The following SHROOM2 variants were observed in gnomAD, a reference collection of about 807,000 sequenced individuals.
SHROOM2 encodes the protein shroom family member 2.
In SHROOM2, 33 loss-of-function variants were observed where a neutral mutation model predicts 75.9. The ratio of observed to expected loss-of-function variants is 0.43; its 90% CI spans 0.33 to 0.58. The LOEUF is 0.58. SHROOM2 is among the 20% of genes least tolerant of loss of function. The pLI is 0.04. For missense variants in SHROOM2, 1,434 were observed against 1,461.2 expected (o/e 0.98, Z 0.30); for synonymous variants, 655 against 663.6 (o/e 0.99, Z 0.20).
intron 1 of SHROOM2, chrX:9,818,714 G>T: frequency 2.3e-6 from 1 of 441,301 alleles, no homozygotes; most frequent in Non-Finnish European, 4.1e-6. Flanking sequence ...TTAACATCCA[G>T]TCCTTCTGCT....
At chrX:9,857,302 G>C (rs2084076643) in intron 1 of SHROOM2, among the ~76,000 whole-genome samples, 1 of 111,924 alleles carries the variant, frequency 8.9e-6, no homozygotes, top group Admixed American at 9.5e-5. Context: ...GAGCATGCCA[G>C]TTGGTGGTTA....
At chrX:9,890,584 C>T (rs2084284433) in intron 2 of SHROOM2, among the ~76,000 whole-genome samples, 1 of 113,052 alleles carries the variant, frequency 8.8e-6, no homozygotes, top group Non-Finnish European at 1.9e-5. Flanking sequence ...GCGCTGTGCG[C>T]ATTCCCTGAA....
rs1364122756 is a variant in SHROOM2, at chrX:9,802,038, A to T, written c.165+15328A>T. Among the ~76,000 whole-genome samples, 4 of 111,331 alleles carry T rather than the reference A, an allele frequency of 3.6e-5. No homozygotes were observed. In the Admixed American group the frequency reaches 3.8e-4, roughly 11 times the overall value. ...CTCTTTGAAATGTAGCTCCTAACCA[A>T]TTTGAAGGTAGATGTGTGGTGCTCT... On this transcript the variant is annotated intron_variant, in intron 1 of 9. Transcript: ENST00000380913.
intron 1 of SHROOM2, among the ~76,000 whole-genome samples, chrX:9,801,311 G>A (rs924474341): frequency 1.2e-4 from 13 of 112,094 alleles, no homozygotes; most frequent in African/African-American, 4.2e-4. Flanking sequence ...AGCTATAATT[G>A]AAGATGAGAT....
At position 9,932,791 on chromosome X, in the gene SHROOM2, C is replaced by T. The variant is rs1015062132; in HGVS notation, c.3508C>T (p.Arg1170Cys). The T allele has an allele frequency of 1.4e-5, 17 of 1,207,176 alleles. No individual in the cohort carries two copies. The highest frequency in any genetic ancestry group is 2.3e-4 in the Middle Eastern group (1 of 4,353). Residue 1170 changes from arginine (R) to cysteine (C), a missense_variant, in exon 6 of 10, where the codon CGC (arginine) becomes TGC (cysteine). By Grantham distance (180) the Arg-to-Cys change is radical. Around this residue, in one of 3 missense-constraint regions of SHROOM2, gnomAD observed 1,340 missense variants for 1,338.3 expected, o/e 1.00. Coordinates refer to ENST00000380913, the MANE Select transcript of SHROOM2 (RefSeq NM_001649.4). Reference sequence around the variant, plus strand: ...GCAGACGGCCACCATGGAGACCTCGCGCTCCCCCTCGCCCCAGTTCGCCCC... The same window carrying T: ...GCAGACGGCCACCATGGAGACCTCGTGCTCCCCCTCGCCCCAGTTCGCCCC... ...RLQTATMETS[R>C]SPSPQFAPQK...
At chrX:9,798,183 G>T (rs901980644) in intron 1 of SHROOM2, among the ~76,000 whole-genome samples, 1 of 111,142 alleles carries the variant, frequency 9.0e-6, no homozygotes, top group African/African-American at 3.3e-5. Flanking sequence ...AGTTAGGACA[G>T]CCTGTGGAGG....
intron 5 of SHROOM2, among the ~76,000 whole-genome samples, chrX:9,926,485 G>T (rs1373086760): frequency 9.0e-6 from 1 of 111,590 alleles, no homozygotes; most frequent in Non-Finnish European, 1.9e-5. Flanking sequence ...GCTGAGGCGG[G>T]TGTTCTGGTG....
rs57235803 is a variant in SHROOM2, at chrX:9,908,944, AAAAT to A, written c.2891+10682_2891+10685del. ...TGGGTGACAGTGAGACCCTCTCTCA[AAAAT>A]AAATAAATAAATAAATAAATAAATA... On this transcript the variant is annotated intron_variant, in intron 5 of 9. Coordinates refer to ENST00000380913, the MANE Select transcript of SHROOM2 (RefSeq NM_001649.4). Among the ~76,000 whole-genome samples the A allele has an allele frequency of 2.1e-3, 215 of 102,990 alleles. 1 individual carries two copies. The highest frequency in any genetic ancestry group is 7.0e-3 in the African/African-American group (202 of 28,879). The allele number at this position is 102,990 out of a possible 115,157, so 89.4% of individuals were successfully genotyped here.
intron 3 of SHROOM2, 71 bp downstream of exon 3, chrX:9,891,179 G>C: frequency 9.1e-7 from 1 of 1,093,071 alleles, no homozygotes. Flanking sequence ...CCTGACTGCA[G>C]AATGATTTTG....
At chrX:9,933,196 CGTT>C (rs990069536) in intron 6 of SHROOM2, among the ~76,000 whole-genome samples, 5 of 109,837 alleles carry the variant, frequency 4.6e-5, no homozygotes, top group African/African-American at 1.3e-4. Context: ...TTTTTTTTGT[CGTT>C]GTTGTTGTTT....
At chrX:9,859,367 C>G (rs2084090562) in intron 1 of SHROOM2, among the ~76,000 whole-genome samples, 1 of 112,423 alleles carries the variant, frequency 8.9e-6, no homozygotes, top group Non-Finnish European at 1.9e-5. Flanking sequence ...TGCATTGCGA[C>G]CAGCTTTTGT....
chrX:9,931,387 G>C (rs954229384), intron 5 of SHROOM2, among the ~76,000 whole-genome samples: 1 of 111,280 alleles, frequency 9.0e-6, no homozygotes, highest in Admixed American at 9.5e-5. Context: ...GGTGGCGCAT[G>C]CCTGTAGATC....
intron 1 of SHROOM2, among the ~76,000 whole-genome samples, chrX:9,836,119 CAGCCCT>C (rs2083943014): frequency 8.9e-6 from 1 of 112,356 alleles, no homozygotes; most frequent in African/African-American, 3.2e-5. Flanking sequence ...GGCACCAGAT[CAGCCCT>C]GGCCCAGGCC....
chrX:9,944,980 C>T (rs1274016899), intron 9 of SHROOM2, 67 bp downstream of exon 9: 4 of 1,088,310 alleles, frequency 3.7e-6, no homozygotes, highest in Admixed American at 2.7e-5. Context: ...TTTCAAGTGT[C>T]GTGAAAGTCA....
At chrX:9,797,349 A>G (rs904989886) in intron 1 of SHROOM2, among the ~76,000 whole-genome samples, 2 of 112,825 alleles carry the variant, frequency 1.8e-5, no homozygotes, top group Non-Finnish European at 3.7e-5. Context: ...GTCACCATCC[A>G]TGGTGAGCAA....
intron 1 of SHROOM2, among the ~76,000 whole-genome samples, chrX:9,842,817 C>G (rs2083986327): frequency 9.0e-6 from 1 of 111,620 alleles, no homozygotes; most frequent in African/African-American, 3.3e-5. Flanking sequence ...CTGTCTGCCC[C>G]TCCCTCCTCC....
At chrX:9,892,185 C>T (rs1284918377) in intron 3 of SHROOM2, among the ~76,000 whole-genome samples, 5 of 104,428 alleles carry the variant, frequency 4.8e-5, no homozygotes, top group African/African-American at 1.8e-4. Context: ...CCCAGGAGTT[C>T]GAGGCTGCAG....
rs908392496 is a variant in SHROOM2, at chrX:9,919,142, G to A, written c.2892-13033G>A. Among the ~76,000 whole-genome samples, 4 of 110,868 alleles carry A rather than the reference G, an allele frequency of 3.6e-5. No homozygotes were observed. The South Asian group carries it at 1.5e-3, about 42-fold the overall frequency. On this transcript the variant is annotated intron_variant, in intron 5 of 9. Coordinates refer to ENST00000380913, the MANE Select transcript of SHROOM2 (RefSeq NM_001649.4). ...ATTGTGTTGGACCTGGAATACAGAG[G>A]TAGATGAGGCAGGGGTGAGCACAGT...
At chrX:9,869,639 G>A (rs776343883) in intron 1 of SHROOM2, among the ~76,000 whole-genome samples, 3 of 112,090 alleles carry the variant, frequency 2.7e-5, no homozygotes, top group South Asian at 3.7e-4. Context: ...CTGTGTCAGA[G>A]TTTCTCTCCT....
Sources: allele counts gnomAD v4.1 joint callset (sites outside exome capture counted in the v4.1 genomes callset), GRCh38; gene constraint gnomAD v4.1.1; regional missense constraint gnomAD v4.1.1; transcripts MANE v1.5; gene names NCBI Gene and HGNC (gene_info 2026-07-23, HGNC 2026-07-21).